Variants in SHQ1 observed in about 807,000 individuals in gnomAD.
SHQ1 encodes SHQ1, H/ACA ribonucleoprotein assembly factor.
Under a neutral mutation model 53.8 loss-of-function variants are expected in SHQ1, and 49 were observed. The observed-to-expected ratio is 0.91, with a 90% CI of 0.72 to 1.16. The LOEUF is 1.16. Among genes scored for constraint, SHQ1 ranks in the 50% most tolerant of loss-of-function variants. The probability of loss-of-function intolerance (pLI) is 0.00; values close to 1 mark genes in which losing one functional copy is unlikely to be tolerated. For missense variants in SHQ1, 738 were observed against 683.1 expected, an observed-to-expected ratio of 1.08 and a Z score of -0.90; for synonymous variants, 243 against 251.0, an observed-to-expected ratio of 0.97 and a Z score of 0.30.
intron 9 of SHQ1, among the ~76,000 whole-genome samples, chr3:72,805,353 A>G (rs772295042): frequency 1.7e-4 from 26 of 152,182 alleles, no homozygotes; most frequent in Non-Finnish European, 2.9e-4. Flanking sequence ...CTCAGTATTA[A>G]TATACAATAG....
chr3:72,812,073 C>G (rs1707140361), intron 9 of SHQ1, among the ~76,000 whole-genome samples: 1 of 152,178 alleles, frequency 6.6e-6, no homozygotes, highest in Admixed American at 6.5e-5. Context: ...CCAGAATTTT[C>G]CACATCCTTA....
intron 6 of SHQ1, among the ~76,000 whole-genome samples, chr3:72,819,323 A>C (rs1223283034): frequency 1.3e-5 from 2 of 152,148 alleles, no homozygotes; most frequent in Non-Finnish European, 2.9e-5. Context: ...CAAATTAAGA[A>C]TCCTGTATAT....
intron 9 of SHQ1, among the ~76,000 whole-genome samples, chr3:72,799,488 TGCTTTAATACCAG>T (rs1706722604): frequency 6.6e-6 from 1 of 152,214 alleles, no homozygotes; most frequent in Admixed American, 6.5e-5. Flanking sequence ...TGGGGTAATT[TGCTTTAATACCAG>T]GCCCTATCGG....
downstream of SHQ1, among the ~76,000 whole-genome samples, chr3:72,745,780 G>A (rs1156980552): frequency 6.6e-6 from 1 of 151,634 alleles, no homozygotes; most frequent in Non-Finnish European, 1.5e-5. Flanking sequence ...AATAAAAGCA[G>A]TTCTATTTCC....
chr3:72,841,503 T>C (rs1435653849), intron 3 of SHQ1, among the ~76,000 whole-genome samples: 2 of 152,134 alleles, frequency 1.3e-5, no homozygotes, highest in African/African-American at 2.4e-5. Flanking sequence ...ACATACTGTA[T>C]GATCTACATA....
chr3:72,799,579 G>A lies in SHQ1; in HGVS notation c.1061-6543C>T, dbSNP rs115625681. On this transcript the variant is annotated intron_variant, in intron 9 of 10. Transcript: ENST00000325599. The stretch of plus-strand genomic sequence containing the variant: ...GCACATTAAATTTAGCATTAAGAAG[G>A]CTTCTAGGTCTATGTGATTTTTTTA... Among the ~76,000 whole-genome samples, 1,249 of 152,172 alleles carry A rather than the reference G, an allele frequency of 8.2e-3. 16 individuals are homozygous for A. Among genetic ancestry groups the A allele is most frequent in the African/African-American group, 0.029 (1,208 of 41,532 alleles).
intron 9 of SHQ1, 179 bp from the exon 10 acceptor site, chr3:72,793,215 A>G (rs1559674715): frequency 1.4e-5 from 7 of 513,470 alleles, no homozygotes; most frequent in South Asian, 5.2e-5. Context: ...TAAGAATTAC[A>G]TACAATCTTT....
At chr3:72,757,956 C>T (rs899833168) in intron 10 of SHQ1, among the ~76,000 whole-genome samples, 2 of 152,154 alleles carry the variant, frequency 1.3e-5, no homozygotes, top group Admixed American at 6.5e-5. Context: ...CAAACCTGCA[C>T]GTGTCCCTGA....
chr3:72,842,990 T>A (rs1708221993), intron 2 of SHQ1, among the ~76,000 whole-genome samples: 1 of 151,202 alleles, frequency 6.6e-6, no homozygotes, highest in South Asian at 2.1e-4. Context: ...GGCAGGATAA[T>A]CGCTTGAACC....
At chr3:72,731,979 C>G in the SHQ1 span, among the ~76,000 whole-genome samples, 6 of 151,644 alleles carry the variant, frequency 4.0e-5, no homozygotes, top group Admixed American at 1.3e-4. Flanking sequence ...TTCCCACCCC[C>G]ATTCAGGCTT....
chr3:72,824,045 C>G (rs561434979), intron 6 of SHQ1, among the ~76,000 whole-genome samples: 3 of 152,162 alleles, frequency 2.0e-5, no homozygotes, highest in Admixed American at 1.3e-4. Context: ...GGTCTTCCCC[C>G]CGCCCGTTAC....
At chr3:72,763,033 A>ACG (rs1357568752) in intron 10 of SHQ1, among the ~76,000 whole-genome samples, 30 of 133,938 alleles carry the variant, frequency 2.2e-4, no homozygotes, top group African/African-American at 9.0e-4. Context: ...ACACACACAC[A>ACG]CACACACACA....
chr3:72,772,117 G>A (rs921980677), intron 10 of SHQ1, among the ~76,000 whole-genome samples: 1 of 151,824 alleles, frequency 6.6e-6, no homozygotes, highest in South Asian at 2.1e-4. Flanking sequence ...TGATGTCAGT[G>A]TTAACTTTAA....
intron 10 of SHQ1, among the ~76,000 whole-genome samples, chr3:72,780,028 G>A (rs1197629428): frequency 3.3e-5 from 5 of 152,156 alleles, no homozygotes; most frequent in African/African-American, 9.7e-5. Flanking sequence ...TTGAGGCCAG[G>A]AGTTCGAGAC....
intron 5 of SHQ1, among the ~76,000 whole-genome samples, chr3:72,829,277 T>A (rs1370881075): frequency 1.3e-5 from 2 of 152,230 alleles, no homozygotes; most frequent in Non-Finnish European, 2.9e-5. Context: ...CTAGTCACTC[T>A]CTTCAATATG....
chr3:72,790,060 C>T (rs1028751809), intron 10 of SHQ1, among the ~76,000 whole-genome samples: 3 of 152,150 alleles, frequency 2.0e-5, no homozygotes, highest in Non-Finnish European at 4.4e-5. Context: ...CTGTAGTGAG[C>T]ACCACACTCA....
chr3:72,780,868 T>G (rs756360559), intron 10 of SHQ1, among the ~76,000 whole-genome samples: 2 of 152,188 alleles, frequency 1.3e-5, no homozygotes, highest in Non-Finnish European at 2.9e-5. Context: ...TAGAGGTGTA[T>G]TCCATCACTT....
chr3:72,759,268 C>T (rs139249855), intron 10 of SHQ1, among the ~76,000 whole-genome samples: 3 of 152,298 alleles, frequency 2.0e-5, no homozygotes, highest in African/African-American at 7.2e-5. Context: ...CACTATAACA[C>T]AGTACACCCT....
chr3:72,842,457 A>T (rs1435853880), intron 2 of SHQ1, 55 bp from the exon 3 acceptor site: 2 of 1,524,832 alleles, frequency 1.3e-6, no homozygotes, highest in Non-Finnish European at 1.8e-6. Context: ...AGCTGGGCAC[A>T]ATAGCTTACA....
Sources: gnomAD v4.1 joint callset for allele counts (sites outside exome capture counted in the v4.1 genomes callset) on GRCh38, gnomAD v4.1.1 for gene constraint, MANE v1.5 for transcripts, NCBI Gene and HGNC (gene_info 2026-07-23, HGNC 2026-07-21) for gene names.